Variants in ST6GAL1 observed in about 807,000 individuals in gnomAD.
The protein encoded by ST6GAL1 is ST6 beta-galactoside alpha-2,6-sialyltransferase 1.
Under a neutral mutation model 38.0 loss-of-function variants are expected in ST6GAL1, and 20 were observed. The observed-to-expected ratio is 0.53, with a 90% confidence interval of 0.37 to 0.77. The LOEUF is 0.77. Among genes scored for constraint, ST6GAL1 ranks in the 30% least tolerant of loss-of-function variants. ST6GAL1 has a pLI of 0.00. For synonymous variants in ST6GAL1, 196 were observed against 188.2 expected, an observed-to-expected ratio of 1.04 and a Z score of -0.34; for missense variants, 432 against 496.4, an observed-to-expected ratio of 0.87 and a Z score of 1.23.
chr3:187,037,566 T>C (rs1366948653), intron 2 of ST6GAL1, among the ~76,000 whole-genome samples: 1 of 152,054 alleles, frequency 6.6e-6, no homozygotes, highest in African/African-American at 2.4e-5. Flanking sequence ...CAGGTATATA[T>C]TTATATTTTT....
chr3:186,988,902 A>G (rs543777185), intron 2 of ST6GAL1, among the ~76,000 whole-genome samples: 2 of 152,276 alleles, frequency 1.3e-5, no homozygotes, highest in African/African-American at 4.8e-5. Context: ...CGACAGAGCC[A>G]GAGCCAGACC....
intron 2 of ST6GAL1, among the ~76,000 whole-genome samples, chr3:187,023,851 T>A (rs998671641): frequency 6.6e-6 from 1 of 151,596 alleles, no homozygotes; most frequent in Non-Finnish European, 1.5e-5. Flanking sequence ...AACCTGCACG[T>A]TGTGCACATG....
intron 5 of ST6GAL1, among the ~76,000 whole-genome samples, chr3:187,057,245 G>C (rs1263282826): frequency 6.6e-6 from 1 of 152,126 alleles, no homozygotes; most frequent in African/African-American, 2.4e-5. Flanking sequence ...CCATGGGTTT[G>C]AACATCCTCC....
chr3:187,022,485 A>G (rs574202318), intron 2 of ST6GAL1, among the ~76,000 whole-genome samples: 1 of 152,232 alleles, frequency 6.6e-6, no homozygotes, highest in African/African-American at 2.4e-5. Flanking sequence ...GTAGGAAGGA[A>G]TGCCTGAGTA....
intron 2 of ST6GAL1, among the ~76,000 whole-genome samples, chr3:186,979,106 C>T (rs1286146507): frequency 6.6e-6 from 1 of 151,920 alleles, no homozygotes; most frequent in Non-Finnish European, 1.5e-5. Context: ...ATTTCTGTAT[C>T]ATCTGTATTT....
chr3:187,023,342 ACTC>A (rs1315236285), intron 2 of ST6GAL1, among the ~76,000 whole-genome samples: 87 of 151,824 alleles, frequency 5.7e-4, no homozygotes, highest in African/African-American at 2.1e-3. Context: ...ATGTTGTTTG[ACTC>A]TTTATTTATC....
At chr3:187,050,780 G>T (rs954264567) in intron 4 of ST6GAL1, among the ~76,000 whole-genome samples, 10 of 152,306 alleles carry the variant, frequency 6.6e-5, no homozygotes, top group Admixed American at 3.9e-4. Flanking sequence ...GCTGAGCACT[G>T]CATGCTTTTC....
In ST6GAL1 at chr3:187,043,269, C is replaced by T; in HGVS notation, c.566C>T (p.Ser189Leu). Residue 189 changes from serine (S) to leucine (L), a missense_variant, in exon 4 of 8, where the codon TCA (serine) becomes TTA (leucine). Physicochemically the swap from Ser to Leu is moderately radical, Grantham distance 145. Transcript: ENST00000169298. ...TGGGGCAGGTGTGCTGTTGTGTCGT[C>T]AGCGGGATCTCTGAAGTCCTCCCAA... ...GPWGRCAVVSSAGSLKSSQLG... is the reference protein window; with the variant it reads ...GPWGRCAVVSLAGSLKSSQLG... 2 of 1,614,168 alleles carry T rather than the reference C, an allele frequency of 1.2e-6. No individual in the cohort carries two copies. The highest frequency in any genetic ancestry group is 1.1e-5 in the South Asian group (1 of 91,074).
At chr3:187,014,002 C>T (rs1717042271) in intron 2 of ST6GAL1, among the ~76,000 whole-genome samples, 1 of 152,216 alleles carries the variant, frequency 6.6e-6, no homozygotes, top group Admixed American at 6.5e-5. Flanking sequence ...ACTTTTCACA[C>T]CCAACAGCGG....
intron 2 of ST6GAL1, among the ~76,000 whole-genome samples, chr3:186,976,635 A>G (rs1457352685): frequency 6.6e-6 from 1 of 152,112 alleles, no homozygotes; most frequent in East Asian, 1.9e-4. Context: ...TCACCATGTT[A>G]GCCAGGCTGG....
At chr3:187,032,922 A>AT (rs1214754343) in intron 2 of ST6GAL1, among the ~76,000 whole-genome samples, 1 of 152,018 alleles carries the variant, frequency 6.6e-6, no homozygotes, top group East Asian at 1.9e-4. Flanking sequence ...TCAACAGAGG[A>AT]TTTTCTCTTG....
At chr3:186,979,733 T>C (rs1181882331) in intron 2 of ST6GAL1, among the ~76,000 whole-genome samples, 1 of 152,180 alleles carries the variant, frequency 6.6e-6, no homozygotes, top group African/African-American at 2.4e-5. Context: ...GCCTGTTTAA[T>C]TTCTCCTTCC....
intron 5 of ST6GAL1, among the ~76,000 whole-genome samples, chr3:187,067,869 G>C (rs767253969): frequency 6.6e-6 from 1 of 152,116 alleles, no homozygotes; most frequent in Admixed American, 6.5e-5. Flanking sequence ...TCTGGAAAAT[G>C]ATGGGTCTGA....
At chr3:186,978,125 C>T (rs374016164) in intron 2 of ST6GAL1, among the ~76,000 whole-genome samples, 3 of 151,490 alleles carry the variant, frequency 2.0e-5, no homozygotes, top group East Asian at 1.9e-4. Context: ...GCTAGAGAAT[C>T]GCTTGAACCC....
intron 2 of ST6GAL1, among the ~76,000 whole-genome samples, chr3:187,034,766 G>T (rs902435597): frequency 6.6e-6 from 1 of 152,032 alleles, no homozygotes; most frequent in Non-Finnish European, 1.5e-5. Context: ...AAAATAATAA[G>T]AATCATCTAT....
At position 187,077,167 on chromosome 3, in the gene ST6GAL1, T is replaced by G. The variant is rs1269685783; in HGVS notation, c.*1364T>G. 5.1e-6 allele frequency: 2 copies of G among 394,676 alleles called. No individual in the cohort carries two copies. The highest frequency in any genetic ancestry group is 8.9e-6 in the Non-Finnish European group (2 of 224,036). The allele number at this position is 394,676 out of a possible 1,614,324, so 24.4% of individuals were successfully genotyped here. On this transcript the variant is annotated 3_prime_UTR_variant, in exon 8 of 8. Transcript: ENST00000169298. ...AGGTGTGAGAGGTGTGGTAGCAGATTGCAATGCTCTGCACCTCTTCCTTGC... is the reference window on the plus strand; with the variant it reads ...AGGTGTGAGAGGTGTGGTAGCAGATGGCAATGCTCTGCACCTCTTCCTTGC...
intron 1 of ST6GAL1, chr3:186,931,183 G>GTCTGGGTTCCTTAAAATCCCGCCT (rs6148233): frequency 7.7e-6 from 1 of 129,566 alleles, no homozygotes; most frequent in African/African-American, 3.4e-5. Flanking sequence ...GCCTTGCAGA[G>GTCTGGGTTCCTTAAAATCCCGCCT]TCTGGGTTTA....
intron 2 of ST6GAL1, among the ~76,000 whole-genome samples, chr3:187,014,670 T>G (rs1013350825): frequency 6.6e-6 from 1 of 152,362 alleles, no homozygotes; most frequent in South Asian, 2.1e-4. Flanking sequence ...CTGGCATGAT[T>G]GCAATACATT....
intron 1 of ST6GAL1, among the ~76,000 whole-genome samples, chr3:186,945,140 G>A (rs948938969): frequency 6.6e-6 from 1 of 151,970 alleles, no homozygotes; most frequent in African/African-American, 2.4e-5. Flanking sequence ...GCAACATAGC[G>A]AGACCCTAAT....
Sources: allele counts gnomAD v4.1 joint callset (sites outside exome capture counted in the v4.1 genomes callset), GRCh38; gene constraint gnomAD v4.1.1; transcripts MANE v1.5; gene names NCBI Gene and HGNC (gene_info 2026-07-23, HGNC 2026-07-21).